IFT88: variants seen among roughly 807,000 people sequenced by gnomAD.
The protein encoded by IFT88 is intraflagellar transport 88.
In IFT88, 74 loss-of-function variants were observed where a neutral mutation model predicts 119.5. The observed-to-expected ratio is 0.62, with a 90% CI of 0.51 to 0.75. The LOEUF is 0.75. IFT88 is among the 30% of genes least tolerant of loss of function. The pLI, the probability that IFT88 is intolerant of heterozygous loss-of-function variation, is 0.00. For missense variants in IFT88, 961 were observed against 977.7 expected, an observed-to-expected ratio of 0.98 and a Z score of 0.23; for synonymous variants, 279 against 316.7, an observed-to-expected ratio of 0.88 and a Z score of 1.26.
At chr13:20,567,482 C>G (rs2035093288) in intron 1 of IFT88, among the ~76,000 whole-genome samples, 1 of 152,258 alleles carries the variant, frequency 6.6e-6, no homozygotes, top group Non-Finnish European at 1.5e-5. Flanking sequence ...TTGTTTCTCA[C>G]ATCGGTGTCC....
intron 14 of IFT88, among the ~76,000 whole-genome samples, chr13:20,620,006 C>G (rs1031452230): frequency 1.2e-4 from 18 of 152,138 alleles, no homozygotes; most frequent in African/African-American, 3.9e-4. Context: ...TGAGAAGTGC[C>G]CGTTCAAGAC....
chr13:20,593,191 A>G (rs114291018), intron 7 of IFT88, among the ~76,000 whole-genome samples: 1,793 of 152,344 alleles, frequency 0.012, 37 homozygotes, highest in African/African-American at 0.041. Context: ...AAGCTATGGT[A>G]TACATTTAAT....
At chr13:20,612,325 A>G (rs2044708965) in intron 13 of IFT88, 1 of 152,198 alleles carries the variant, frequency 6.6e-6, no homozygotes, top group African/African-American at 2.4e-5. Context: ...AACTCCAGGA[A>G]CTGTGCACCC....
intron 13 of IFT88, 36 bp from the exon 14 acceptor site, chr13:20,615,755 GTA>G (rs767905070): frequency 8.2e-7 from 1 of 1,212,482 alleles, no homozygotes; most frequent in African/African-American, 1.5e-5. Flanking sequence ...ATTTTATACT[GTA>G]TCTCTAAATA....
rs961951486 is a variant in IFT88, at chr13:20,691,326, TG to T, written c.*152del. The T allele has an allele frequency of 9.3e-5, 62 of 664,484 alleles. No homozygotes were observed. In the African/African-American group the frequency reaches 9.9e-4, roughly 11 times the overall value. 41.2% of individuals were successfully genotyped at this position (664,484 alleles called of 1,614,324 possible). On this transcript the variant is annotated 3_prime_UTR_variant, in exon 26 of 26. Transcript: ENST00000351808. ...CTATTCTGTATGTATGCATTTAAGT[TG>T]TTTTTTTCTTTTAAGGAATAAAAAC...
intron 14 of IFT88, among the ~76,000 whole-genome samples, chr13:20,624,967 G>T (rs2047082284): frequency 6.6e-6 from 1 of 152,054 alleles, no homozygotes; most frequent in Non-Finnish European, 1.5e-5. Context: ...TAATTCCCTT[G>T]ATGTACAATA....
intron 13 of IFT88, chr13:20,607,486 G>A (rs556432951): frequency 7.4e-6 from 5 of 679,036 alleles, no homozygotes; most frequent in East Asian, 5.4e-5. Flanking sequence ...TGATGGCCAC[G>A]GTCACCAAGT....
At chr13:20,678,365 A>G (rs559922101) in intron 24 of IFT88, among the ~76,000 whole-genome samples, 1 of 152,362 alleles carries the variant, frequency 6.6e-6, no homozygotes, top group South Asian at 2.1e-4. Context: ...CAGAGCTGAG[A>G]GCCATGAACA....
chr13:20,640,208 T>G (rs1372006933), intron 17 of IFT88, among the ~76,000 whole-genome samples: 2 of 152,196 alleles, frequency 1.3e-5, no homozygotes, highest in African/African-American at 4.8e-5. Context: ...CATACTCTTC[T>G]TATAGCTTTG....
intron 4 of IFT88, among the ~76,000 whole-genome samples, chr13:20,590,098 T>C (rs914819974): frequency 2.0e-5 from 3 of 152,194 alleles, no homozygotes; most frequent in East Asian, 1.9e-4. Context: ...TTGTAAACCC[T>C]GTGTTCGTTG....
At position 20,626,043 on chromosome 13, in the gene IFT88, C is replaced by CTTTTTTTTTTTTTTTTTTTTTTTTTTTT. The variant is rs528587128; in HGVS notation, c.1299+202_1299+229dup. On this transcript the variant is annotated intron_variant, in intron 15 of 25. Transcript: ENST00000351808. ...ATTAATTTTTGCCTGTTTGTCGTTT[C>CTTTTTTTTTTTTTTTTTTTTTTTTTTTT]TTTTTTTTTTTTTTTTTTTTTTTTT... Among the ~76,000 whole-genome samples, 2 of 39,538 alleles carry CTTTTTTTTTTTTTTTTTTTTTTTTTTTT rather than the reference C, an allele frequency of 5.1e-5. 1 individual carries two copies. The highest frequency in any genetic ancestry group is 2.3e-4 in the African/African-American group (2 of 8,562). The allele number at this position is 39,538 out of a possible 152,430, so 25.9% of individuals were successfully genotyped here.
intron 13 of IFT88, 115 bp downstream of exon 13, chr13:20,605,220 A>T: frequency 2.2e-6 from 1 of 455,194 alleles, no homozygotes; most frequent in Non-Finnish European, 3.9e-6. Context: ...TAATTTTTAT[A>T]AAAGGGTTGA....
At chr13:20,646,751 T>C (rs2050816320) in intron 20 of IFT88, among the ~76,000 whole-genome samples, 1 of 151,898 alleles carries the variant, frequency 6.6e-6, no homozygotes, top group Non-Finnish European at 1.5e-5. Context: ...GACCTTCCCC[T>C]TATCTTGCAG....
chr13:20,678,451 AT>A (rs1352967726), intron 24 of IFT88, among the ~76,000 whole-genome samples: 1 of 152,254 alleles, frequency 6.6e-6, no homozygotes, highest in Admixed American at 6.5e-5. Context: ...AGCTAGAAGC[AT>A]TCCTTATAGG....
intron 14 of IFT88, among the ~76,000 whole-genome samples, chr13:20,617,900 C>T (rs528606124): frequency 1.5e-4 from 23 of 152,200 alleles, no homozygotes; most frequent in African/African-American, 5.1e-4. Context: ...TTCAAGTGAT[C>T]CTCCTGCCTC....
At chr13:20,580,898 T>C (rs1387452524) in intron 2 of IFT88, among the ~76,000 whole-genome samples, 2 of 151,954 alleles carry the variant, frequency 1.3e-5, no homozygotes, top group Non-Finnish European at 2.9e-5. Flanking sequence ...GCTAATTTTT[T>C]GTATTTTTAG....
chr13:20,684,873 C>T (rs1176081452), intron 24 of IFT88, among the ~76,000 whole-genome samples: 1 of 152,224 alleles, frequency 6.6e-6, no homozygotes, highest in Admixed American at 6.5e-5. Flanking sequence ...GGCGACCCTT[C>T]GACCCGGGTT....
chr13:20,641,249 A>G, intron 17 of IFT88, 41 bp from the exon 18 acceptor site: 1 of 1,040,648 alleles, frequency 9.6e-7, no homozygotes, highest in Non-Finnish European at 1.4e-6. Flanking sequence ...AATACCAATA[A>G]TGATACTTAT....
rs772411676 is a variant in IFT88, at chr13:20,604,984, T to C, written c.1042-51T>C. ...ACAAAACAAAACAAAAATTAAGTTC[T>C]TGCTGTTTACTTCTGAATTATTCTT... On this transcript the variant is annotated intron_variant, in intron 12 of 25. Coordinates refer to ENST00000351808, the MANE Select transcript of IFT88 (RefSeq NM_006531.5). The C allele has an allele frequency of 4.3e-6, 4 of 922,430 alleles. No homozygotes were observed. In the African/African-American group the frequency reaches 6.6e-5, roughly 15 times the overall value. 57.1% of individuals were successfully genotyped at this position (922,430 alleles called of 1,614,324 possible).
Sources: allele counts gnomAD v4.1 joint callset (sites outside exome capture counted in the v4.1 genomes callset), GRCh38; gene constraint gnomAD v4.1.1; transcripts MANE v1.5; gene names NCBI Gene and HGNC (gene_info 2026-07-23, HGNC 2026-07-21).